Variants in IL17RD observed in about 807,000 individuals in gnomAD.
IL17RD encodes the protein interleukin 17 receptor D, also known as interleukin-17 receptor D.
In IL17RD, 52 loss-of-function variants were observed where a neutral mutation model predicts 80.5. The observed-to-expected ratio is 0.65, with a 90% CI of 0.52 to 0.81. The LOEUF (loss-of-function observed/expected upper bound fraction) is 0.81, where lower values mean the gene tolerates loss of function less well. IL17RD is among the 40% of genes least tolerant of loss of function. The probability of loss-of-function intolerance (pLI) is 0.00; values close to 1 mark genes in which losing one functional copy is unlikely to be tolerated. For missense variants in IL17RD, 1,024 were observed against 955.1 expected, an observed-to-expected ratio of 1.07 and a Z score of -0.95; for synonymous variants, 416 against 391.8, an observed-to-expected ratio of 1.06 and a Z score of -0.73.
At chr3:57,134,754 T>G (rs1266652214) in intron 1 of IL17RD, 8 of 540,608 alleles carry the variant, frequency 1.5e-5, no homozygotes, top group Admixed American at 2.7e-5. Context: ...CATACTGGCC[T>G]CAGCGATTAC....
intron 3 of IL17RD, among the ~76,000 whole-genome samples, chr3:57,114,294 G>A (rs1290433157): frequency 6.6e-6 from 1 of 152,152 alleles, no homozygotes; most frequent in Non-Finnish European, 1.5e-5. Flanking sequence ...TGCCAATGCT[G>A]GGCTGGCATG....
chr3:57,139,062 G>C (rs921006008), intron 1 of IL17RD, among the ~76,000 whole-genome samples: 1 of 151,948 alleles, frequency 6.6e-6, no homozygotes, highest in African/African-American at 2.4e-5. Context: ...ATATATTTTG[G>C]GGGGAGGGGA....
intron 1 of IL17RD, among the ~76,000 whole-genome samples, chr3:57,151,822 A>G (rs35869820): frequency 0.018 from 2,669 of 152,276 alleles, 29 homozygotes; most frequent in Non-Finnish European, 0.025. Flanking sequence ...CTGTGATCAC[A>G]CCACTGCACT....
At chr3:57,123,622 T>C (rs1035432156) in intron 1 of IL17RD, among the ~76,000 whole-genome samples, 3 of 152,204 alleles carry the variant, frequency 2.0e-5, no homozygotes, top group Non-Finnish European at 4.4e-5. Context: ...TTTAGGGATG[T>C]AGATGCAAAA....
intron 1 of IL17RD, among the ~76,000 whole-genome samples, chr3:57,146,112 C>T (rs1178463867): frequency 6.6e-6 from 1 of 152,080 alleles, no homozygotes; most frequent in African/African-American, 2.4e-5. Context: ...GGTTTGCTGG[C>T]TAAATTGGCA....
In IL17RD at chr3:57,110,192, C is replaced by G; in HGVS notation, c.429+1G>C. 1 of 1,588,880 alleles carries G rather than the reference C, an allele frequency of 6.3e-7. No homozygotes were observed. The highest frequency in any genetic ancestry group is 8.6e-7 in the Non-Finnish European group (1 of 1,166,440). ...GGAGCACGTTCCCCAGTGTGACTTACAGTTCTTTTGAAGCTACTGTTGAGC... is the reference window on the plus strand; with the variant it reads ...GGAGCACGTTCCCCAGTGTGACTTAGAGTTCTTTTGAAGCTACTGTTGAGC... On this transcript the variant is annotated splice_donor_variant, in intron 4 of 12. Transcript: ENST00000296318. LOFTEE classifies it high-confidence loss of function.
intron 1 of IL17RD, 63 bp downstream of exon 1, chr3:57,165,098 A>T: frequency 7.1e-7 from 1 of 1,417,200 alleles, no homozygotes; most frequent in Admixed American, 3.1e-5. Flanking sequence ...CCCCGCGAGC[A>T]CCTGTGCGCG....
chr3:57,140,107 G>A (rs1459441037), intron 1 of IL17RD, among the ~76,000 whole-genome samples: 1 of 152,188 alleles, frequency 6.6e-6, no homozygotes, highest in Non-Finnish European at 1.5e-5. Flanking sequence ...AGGCAAGGCT[G>A]TGCTCAGAGC....
At chr3:57,118,690 G>T (rs1707269301) in intron 2 of IL17RD, among the ~76,000 whole-genome samples, 1 of 151,856 alleles carries the variant, frequency 6.6e-6, no homozygotes, top group South Asian at 2.1e-4. Flanking sequence ...TGAGAGAAAG[G>T]GCAAAAAAGT....
In IL17RD at chr3:57,095,892, T is replaced by A. The variant is rs1292098270; in HGVS notation, c.*501A>T. The A allele has an allele frequency of 6.5e-6, 1 of 154,072 alleles. No individual in the cohort carries two copies. Among genetic ancestry groups the A allele is most frequent in the Non-Finnish European group, 1.4e-5 (1 of 69,264 alleles). The allele number at this position is 154,072 out of a possible 1,614,324, so 9.5% of individuals were successfully genotyped here. The stretch of plus-strand genomic sequence containing the variant: ...CACCCATGGCAATGTAAATTCTACA[T>A]CAAAAATAAATGAGAACATTATCTG... On this transcript the variant is annotated 3_prime_UTR_variant, in exon 13 of 13. Coordinates refer to ENST00000296318, the MANE Select transcript of IL17RD (RefSeq NM_017563.5).
chr3:57,161,998 T>C (rs933201083), intron 1 of IL17RD, among the ~76,000 whole-genome samples: 2 of 152,202 alleles, frequency 1.3e-5, no homozygotes, highest in Non-Finnish European at 2.9e-5. Context: ...CTGACCTGTG[T>C]TCAAGATGGT....
intron 10 of IL17RD, 102 bp downstream of exon 10, chr3:57,102,377 G>A: frequency 4.0e-6 from 2 of 495,726 alleles, no homozygotes; most frequent in Non-Finnish European, 7.0e-6. Context: ...GGCTTCCCAG[G>A]CGCCATCCTG....
intron 1 of IL17RD, among the ~76,000 whole-genome samples, chr3:57,135,420 A>G (rs1054155347): frequency 6.6e-6 from 1 of 152,246 alleles, no homozygotes; most frequent in Non-Finnish European, 1.5e-5. Context: ...TGGGTTTTCA[A>G]GTTTCTAGAA....
rs1026298467 is a variant in IL17RD at position 57,094,080 on chromosome 3, G to A, written c.*2313C>T. 9.2e-5 allele frequency: 14 copies of A among 152,134 alleles called. No homozygotes were observed. The highest frequency in any genetic ancestry group is 2.4e-4 in the African/African-American group (10 of 41,436). The allele number at this position is 152,134 out of a possible 1,614,324, so 9.4% of individuals were successfully genotyped here. A position where few individuals can be genotyped will look rare whatever the true frequency, so the allele number is the denominator to read the frequency against. On this transcript the variant is annotated 3_prime_UTR_variant, in exon 13 of 13. Coordinates refer to ENST00000296318, the MANE Select transcript of IL17RD (RefSeq NM_017563.5). ...CTAAAAGCCTGTGACTTGGCAGAAC[G>A]TTTTTCTGAATTTCATCTTATATCC...
intron 7 of IL17RD, among the ~76,000 whole-genome samples, chr3:57,105,222 A>G (rs1044958052): frequency 6.6e-6 from 1 of 152,064 alleles, no homozygotes; most frequent in Non-Finnish European, 1.5e-5. Context: ...CACACAAGAG[A>G]GCACATGATG....
chr3:57,123,495 C>T (rs532692318), intron 1 of IL17RD, among the ~76,000 whole-genome samples: 2 of 152,334 alleles, frequency 1.3e-5, no homozygotes, highest in South Asian at 2.1e-4. Context: ...CCCAGGTCCC[C>T]TCCCCTGGTG....
rs1386814371 is a variant in IL17RD, at chr3:57,098,548, G to C, written c.1165-10C>G. On this transcript the variant is annotated splice_polypyrimidine_tract_variant and intron_variant, in intron 11 of 12. Coordinates refer to ENST00000296318, the MANE Select transcript of IL17RD (RefSeq NM_017563.5). ...ACAGGTCCAGAGCCACCTGGAAAGA[G>C]AACAAGGCACCTCACCCATACAGAA... The C allele has an allele frequency of 6.4e-7, 1 of 1,562,654 alleles. No homozygotes were observed. The highest frequency in any genetic ancestry group is 1.2e-5 in the South Asian group (1 of 83,664).
At chr3:57,165,018 C>G (rs532547294) in intron 1 of IL17RD, 143 bp downstream of exon 1, 1 of 1,340,514 alleles carries the variant, frequency 7.5e-7, no homozygotes, top group Non-Finnish European at 9.5e-7. Context: ...CAGGAGGATG[C>G]GCGGGAGGAG....
upstream of IL17RD, among the ~76,000 whole-genome samples, chr3:57,169,060 G>A (rs1390417192): frequency 6.6e-6 from 1 of 152,224 alleles, no homozygotes; most frequent in Non-Finnish European, 1.5e-5. Context: ...ATAGCTGTAA[G>A]GCTGCAGGGA....
Sources: allele counts gnomAD v4.1 joint callset (sites outside exome capture counted in the v4.1 genomes callset), GRCh38; gene constraint gnomAD v4.1.1; transcripts MANE v1.5; gene names NCBI Gene and HGNC (gene_info 2026-07-23, HGNC 2026-07-21).